Variants in NOX4 observed in about 807,000 individuals in gnomAD.
NOX4 encodes NADPH oxidase 4.
A neutral mutation model predicts 87.6 loss-of-function variants in NOX4; 69 were observed. The ratio of observed to expected loss-of-function variants is 0.79; its 90% confidence interval spans 0.65 to 0.96. NOX4 has a LOEUF of 0.96. Ranked by LOEUF, NOX4 falls within the 40% of genes least tolerant of loss-of-function variation. NOX4 has a pLI of 0.00. For missense variants in NOX4, 680 were observed against 681.5 expected, an observed-to-expected ratio of 1.00 and a Z score of 0.02; for synonymous variants, 275 against 238.2, an observed-to-expected ratio of 1.15 and a Z score of -1.42.
chr11:89,471,284 T>C (rs2135443285), intron 2 of NOX4, among the ~76,000 whole-genome samples: 1 of 152,272 alleles, frequency 6.6e-6, no homozygotes, highest in South Asian at 2.1e-4. Context: ...CCAAACTGCC[T>C]CTTACCTTTG....
At chr11:89,533,769 AC>A in the NOX4 span, 8 of 152,152 alleles carry the variant, frequency 5.3e-5, no homozygotes, top group Non-Finnish European at 1.2e-4. Flanking sequence ...TCCTGCACAG[AC>A]CTCTGCCTAT....
intron 13 of NOX4, among the ~76,000 whole-genome samples, chr11:89,342,542 AAATT>A (rs1451388193): frequency 6.6e-6 from 1 of 152,070 alleles, no homozygotes; most frequent in African/African-American, 2.4e-5. Flanking sequence ...ATATATGACT[AAATT>A]AAAGTAACAA....
At chr11:89,388,592 C>T (rs118070343) in intron 11 of NOX4, among the ~76,000 whole-genome samples, 2,942 of 152,248 alleles carry the variant, frequency 0.019, 83 homozygotes, top group East Asian at 0.13. Flanking sequence ...TCCTAAGCAT[C>T]CTTCCCAACA....
intron 2 of NOX4, among the ~76,000 whole-genome samples, chr11:89,469,199 A>G (rs1207363391): frequency 2.6e-5 from 4 of 152,190 alleles, no homozygotes; most frequent in African/African-American, 9.7e-5. Context: ...AATTTTCTCA[A>G]CAAATTAAGG....
At chr11:89,583,587 A>T in the NOX4 span, among the ~76,000 whole-genome samples, 2 of 151,860 alleles carry the variant, frequency 1.3e-5, no homozygotes, top group Non-Finnish European at 2.9e-5. Context: ...TCCTAAAAAG[A>T]GCATAAAAAA....
chr11:89,567,364 C>G, the NOX4 span, among the ~76,000 whole-genome samples: 2 of 152,204 alleles, frequency 1.3e-5, no homozygotes, highest in Non-Finnish European at 2.9e-5. Context: ...CCTATGGCCT[C>G]TTCCTACTAC....
chr11:89,539,293 G>A, the NOX4 span, among the ~76,000 whole-genome samples: 3 of 151,890 alleles, frequency 2.0e-5, no homozygotes, highest in African/African-American at 4.8e-5. Context: ...TTATCCAGGC[G>A]TGGTGGCATG....
At chr11:89,418,938 T>G (rs1942940391) in intron 8 of NOX4, among the ~76,000 whole-genome samples, 1 of 152,056 alleles carries the variant, frequency 6.6e-6, no homozygotes, top group Admixed American at 6.6e-5. Flanking sequence ...CAGTCAACAA[T>G]GTCTCATCAC....
chr11:89,512,458 C>G, the NOX4 span, among the ~76,000 whole-genome samples: 2 of 151,962 alleles, frequency 1.3e-5, no homozygotes, highest in African/African-American at 4.8e-5. Flanking sequence ...TGATAATTAC[C>G]ATTCTATTCT....
intron 17 of NOX4, among the ~76,000 whole-genome samples, chr11:89,329,356 G>GAA (rs377055666): frequency 0.012 from 403 of 34,702 alleles, 1 homozygote; most frequent in African/African-American, 0.039. Flanking sequence ...GAAAAAAACT[G>GAA]AAAAAAAAAA....
chr11:89,387,918 C>G (rs1591085808), intron 11 of NOX4, among the ~76,000 whole-genome samples: 1 of 152,196 alleles, frequency 6.6e-6, no homozygotes, highest in African/African-American at 2.4e-5. Context: ...ACTTGAAGAA[C>G]AAAACGTTAC....
At chr11:89,452,374 T>C (rs1415283130) in intron 2 of NOX4, among the ~76,000 whole-genome samples, 2 of 152,122 alleles carry the variant, frequency 1.3e-5, no homozygotes, top group African/African-American at 4.8e-5. Flanking sequence ...ACAGCTTTTC[T>C]GCAAGCTCTG....
At chr11:89,404,177 G>A (rs1246264549) in intron 8 of NOX4, among the ~76,000 whole-genome samples, 2 of 152,092 alleles carry the variant, frequency 1.3e-5, no homozygotes, top group Non-Finnish European at 2.9e-5. Flanking sequence ...CAATTGCTGG[G>A]ATATTATACT....
intron 7 of NOX4, among the ~76,000 whole-genome samples, chr11:89,430,743 T>C (rs1020176487): frequency 1.3e-5 from 2 of 152,110 alleles, no homozygotes; most frequent in East Asian, 1.9e-4. Context: ...TGCTCAGGGA[T>C]AGGAAGAATC....
At chr11:89,412,530 C>T (rs7120915) in intron 8 of NOX4, among the ~76,000 whole-genome samples, 2,197 of 152,124 alleles carry the variant, frequency 0.014, 54 homozygotes, top group African/African-American at 0.05. Context: ...TACAAATACA[C>T]AGAAATTTTA....
At chr11:89,463,302 T>C (rs1945550479) in intron 2 of NOX4, among the ~76,000 whole-genome samples, 1 of 151,928 alleles carries the variant, frequency 6.6e-6, no homozygotes. Context: ...ACAACATAAT[T>C]TTCAAAGAAT....
At chr11:89,514,283 T>C in the NOX4 span, among the ~76,000 whole-genome samples, 1 of 151,990 alleles carries the variant, frequency 6.6e-6, no homozygotes, top group Non-Finnish European at 1.5e-5. Context: ...GGAATTGTGT[T>C]CTTAATTTCA....
intron 15 of NOX4, among the ~76,000 whole-genome samples, chr11:89,338,821 T>A (rs188951520): frequency 9.2e-5 from 14 of 152,306 alleles, no homozygotes; most frequent in African/African-American, 2.4e-4. Flanking sequence ...AGCATTTTGT[T>A]TGATGGTTGT....
chr11:89,586,253 C>G, the NOX4 span, among the ~76,000 whole-genome samples: 1 of 152,082 alleles, frequency 6.6e-6, no homozygotes, highest in Admixed American at 6.6e-5. Context: ...TCTCTACTTC[C>G]TTTTCTATTC....
Sources: allele counts gnomAD v4.1 joint callset (sites outside exome capture counted in the v4.1 genomes callset), GRCh38; gene constraint gnomAD v4.1.1; transcripts MANE v1.5; gene names NCBI Gene and HGNC (gene_info 2026-07-23, HGNC 2026-07-21).